The following ATAD5 variants were observed in gnomAD, a reference collection of about 807,000 sequenced individuals.
ATAD5 encodes ATPase family AAA domain containing 5.
ATAD5 carries 58 observed loss-of-function variants against 176.9 expected under a neutral mutation model. The observed-to-expected ratio is 0.33, with a 90% CI of 0.27 to 0.41. ATAD5 has a LOEUF of 0.41. Ranked by LOEUF, ATAD5 falls within the 10% of genes least tolerant of loss-of-function variation. The probability of loss-of-function intolerance (pLI) is 1.00; values close to 1 mark genes in which losing one functional copy is unlikely to be tolerated. For synonymous variants in ATAD5, 640 were observed against 712.6 expected (o/e 0.90, Z 1.62); for missense variants, 1,789 against 2,094.1 (o/e 0.85, Z 2.84).
At position 30,852,428 on chromosome 17, in the gene ATAD5, T is replaced by C. The variant is rs543817050; in HGVS notation, c.2451-2715T>C. On this transcript the variant is annotated intron_variant, in intron 6 of 22. Coordinates refer to ENST00000321990, the MANE Select transcript of ATAD5 (RefSeq NM_024857.5). ...GGTTCCTTTTCGTGGAGGATGGTAT[T>C]TAGAGACGAAGGTCTAGCATTAAAT... Among the ~76,000 whole-genome samples the C allele has an allele frequency of 3.3e-5, 5 of 152,326 alleles. No homozygotes were observed. In the South Asian group the frequency reaches 1.0e-3, roughly 32 times the overall value.
rs1909380540 is a variant in ATAD5, at chr17:30,887,389, T to A, written c.4258+17T>A. 1 of 1,577,948 alleles carries A rather than the reference T, an allele frequency of 6.3e-7. No homozygotes were observed. On this transcript the variant is annotated intron_variant, in intron 19 of 22. Coordinates refer to ENST00000321990, the MANE Select transcript of ATAD5 (RefSeq NM_024857.5). ...CCCTTTATCGTAAGTTGATTTGTTA[T>A]TAAAGAAATTTCTATTATGGGACCC...
At chr17:30,872,039 C>T (rs940441238) in intron 14 of ATAD5, among the ~76,000 whole-genome samples, 6 of 152,056 alleles carry the variant, frequency 3.9e-5, no homozygotes, top group African/African-American at 1.2e-4. Flanking sequence ...CAACCTTAGC[C>T]TTTTGAGTAG....
chr17:30,885,684 A>G (rs1909285808), intron 18 of ATAD5, among the ~76,000 whole-genome samples: 1 of 121,120 alleles, frequency 8.3e-6, no homozygotes, highest in South Asian at 2.5e-4. Context: ...CCCAGGCTGG[A>G]GTGCAGTGGG....
chr17:30,869,813 C>A (rs1405555687), intron 14 of ATAD5, 167 bp downstream of exon 14: 4 of 656,788 alleles, frequency 6.1e-6, no homozygotes, highest in Admixed American at 3.5e-5. Context: ...ACCATCATAT[C>A]ATTTCACCCA....
intron 14 of ATAD5, among the ~76,000 whole-genome samples, chr17:30,875,812 G>T (rs994165966): frequency 7.0e-6 from 1 of 142,120 alleles, no homozygotes; most frequent in East Asian, 2.1e-4. Context: ...AAAAAAAAAT[G>T]TGTGTTTCTT....
At chr17:30,840,911 T>A (rs1297419318) in intron 4 of ATAD5, 130 bp downstream of exon 4, 5 of 927,996 alleles carry the variant, frequency 5.4e-6, no homozygotes, top group Non-Finnish European at 7.7e-6. Context: ...GAATATCATT[T>A]TCAGTTTTGC....
chr17:30,832,051 C>T lies in ATAD5; in HGVS notation c.-297C>T. 1 of 378,206 alleles carries T rather than the reference C, an allele frequency of 2.6e-6. No homozygotes were observed. Among genetic ancestry groups the T allele is most frequent in the Non-Finnish European group, 4.7e-6 (1 of 213,446 alleles). 23.4% of individuals were successfully genotyped at this position (378,206 alleles called of 1,614,324 possible). ...ATCTGCGGTCCGCTTGCTTTCCCTG[C>T]CCGGTCCCGAGCGCTCAGCCTGAAG... On this transcript the variant is annotated 5_prime_UTR_variant, in exon 1 of 23. Coordinates refer to ENST00000321990, the MANE Select transcript of ATAD5 (RefSeq NM_024857.5).
chr17:30,856,972 T>C lies in ATAD5; in HGVS notation c.2653T>C (p.Leu885=). 6.3e-7 allele frequency: 1 copy of C among 1,585,882 alleles called. No homozygotes were observed. Among genetic ancestry groups the C allele is most frequent in the Non-Finnish European group, 8.5e-7 (1 of 1,172,538 alleles). The change falls in exon 8 of 23, where the codon TTG becomes CTG. Residue 885 remains leucine (L), a synonymous_variant. Transcript: ENST00000321990. ...TTCTTTAGGGTGTTGTTTGTGGCATTTGAAACCACCCTCTTGTCCTCTCTT... is the reference window on the plus strand; with the variant it reads ...TTCTTTAGGGTGTTGTTTGTGGCATCTGAAACCACCCTCTTGTCCTCTCTT... ...QKDDGCCLWH[L]KPPSCPLLTK...
chr17:30,857,833 C>T (rs530005863), intron 8 of ATAD5, among the ~76,000 whole-genome samples: 44 of 151,486 alleles, frequency 2.9e-4, no homozygotes, highest in Admixed American at 9.2e-4. Flanking sequence ...CTCTGCCTCC[C>T]GGGTTCAAGC....
At chr17:30,854,599 T>A (rs1907183434) in intron 6 of ATAD5, among the ~76,000 whole-genome samples, 1 of 151,902 alleles carries the variant, frequency 6.6e-6, no homozygotes, top group Non-Finnish European at 1.5e-5. Flanking sequence ...CTCAAACTCC[T>A]GACCTCAGGT....
At chr17:30,890,786 AC>A (rs1299425393) in intron 19 of ATAD5, among the ~76,000 whole-genome samples, 3 of 152,194 alleles carry the variant, frequency 2.0e-5, no homozygotes, top group South Asian at 2.1e-4. Context: ...TAAAAAAAAA[AC>A]AGATACATAA....
At chr17:30,854,311 A>G (rs1224090745) in intron 6 of ATAD5, among the ~76,000 whole-genome samples, 3 of 147,140 alleles carry the variant, frequency 2.0e-5, no homozygotes, top group Admixed American at 6.8e-5. Flanking sequence ...AGGTAAATTT[A>G]TTACCTAAAA....
At chr17:30,890,210 T>C (rs1180071948) in intron 19 of ATAD5, among the ~76,000 whole-genome samples, 1 of 151,750 alleles carries the variant, frequency 6.6e-6, no homozygotes, top group African/African-American at 2.4e-5. Flanking sequence ...TTTTTCAAAG[T>C]AGATATGCCT....
intron 14 of ATAD5, 135 bp downstream of exon 14, chr17:30,869,781 T>C (rs1242767146): frequency 1.1e-6 from 1 of 933,278 alleles, no homozygotes; most frequent in Non-Finnish European, 1.6e-6. Context: ...CCCTGCCAGA[T>C]TATTTTAAAA....
intron 18 of ATAD5, among the ~76,000 whole-genome samples, chr17:30,886,211 A>G (rs1316256348): frequency 6.7e-6 from 1 of 149,588 alleles, no homozygotes; most frequent in Non-Finnish European, 1.5e-5. Context: ...AGCTTTAAGT[A>G]TTAAGGTTAA....
At chr17:30,886,238 G>C (rs1011672024) in intron 18 of ATAD5, among the ~76,000 whole-genome samples, 1 of 150,816 alleles carries the variant, frequency 6.6e-6, no homozygotes, top group Non-Finnish European at 1.5e-5. Flanking sequence ...CTCAAAAAGA[G>C]TTGAGAAATG....
At chr17:30,842,497 G>A (rs548647990) in intron 4 of ATAD5, among the ~76,000 whole-genome samples, 2 of 152,146 alleles carry the variant, frequency 1.3e-5, no homozygotes, top group South Asian at 2.1e-4. Context: ...TGTAACATTT[G>A]ATGCCAATTC....
At chr17:30,837,435 T>A in intron 3 of ATAD5, 121 bp downstream of exon 3, 2 of 672,164 alleles carry the variant, frequency 3.0e-6, no homozygotes. Flanking sequence ...TTTCATAAAT[T>A]GGTTAACTAC....
At chr17:30,850,869 A>ATATTTTT (rs1555554637) in intron 6 of ATAD5, among the ~76,000 whole-genome samples, 1 of 14,776 alleles carries the variant, frequency 6.8e-5, no homozygotes, top group East Asian at 3.8e-3. Context: ...ATATATATAT[A>ATATTTTT]TTTTTTTTTT....
Sources: allele counts gnomAD v4.1 joint callset (sites outside exome capture counted in the v4.1 genomes callset), GRCh38; gene constraint gnomAD v4.1.1; transcripts MANE v1.5; gene names NCBI Gene and HGNC (gene_info 2026-07-23, HGNC 2026-07-21).